The following IP6K1 variants were observed in gnomAD, a reference collection of about 807,000 sequenced individuals.
IP6K1 encodes ATP:1D-myo-inositol-hexakisphosphate phosphotransferase.
IP6K1 carries 13 observed loss-of-function variants against 38.3 expected under a neutral mutation model. The observed-to-expected ratio is 0.34, with a 90% CI of 0.22 to 0.54. The LOEUF (loss-of-function observed/expected upper bound fraction) is 0.54. IP6K1 is among the 20% of genes least tolerant of loss of function. The pLI is 0.92. For missense variants in IP6K1, 397 were observed against 599.8 expected, an observed-to-expected ratio of 0.66 and a Z score of 3.53; for synonymous variants, 212 against 229.9, an observed-to-expected ratio of 0.92 and a Z score of 0.70.
intron 4 of IP6K1, 21 bp from the exon 5 acceptor site, chr3:49,728,299 A>T (rs776441694): frequency 6.2e-7 from 1 of 1,608,168 alleles, no homozygotes; most frequent in Admixed American, 1.7e-5. Context: ...GTCAAGGAGA[A>T]TGACAACCAC....
intron 1 of IP6K1, chr3:49,775,687 G>A: frequency 6.3e-6 from 3 of 475,938 alleles, no homozygotes; most frequent in Non-Finnish European, 1.1e-5. Flanking sequence ...GCTACTCCCG[G>A]CAGAAAGGGA....
chr3:49,739,100 C>T (rs1010666636), intron 2 of IP6K1, among the ~76,000 whole-genome samples: 3 of 152,036 alleles, frequency 2.0e-5, no homozygotes, highest in African/African-American at 4.8e-5. Flanking sequence ...GTTCTTAATA[C>T]AATTTAAAAA....
chr3:49,775,434 G>A (rs914649341), intron 1 of IP6K1: 13 of 462,462 alleles, frequency 2.8e-5, no homozygotes, highest in Non-Finnish European at 8.2e-6. Context: ...GTGTAACTAC[G>A]TATCTTAGCA....
chr3:49,784,072 A>G (rs1283841593), intron 1 of IP6K1, among the ~76,000 whole-genome samples: 1 of 151,894 alleles, frequency 6.6e-6, no homozygotes, highest in African/African-American at 2.4e-5. Flanking sequence ...GCTGGAGTGC[A>G]GTGGCGCGAT....
At chr3:49,743,533 T>C (rs1048817451) in intron 2 of IP6K1, among the ~76,000 whole-genome samples, 1 of 151,254 alleles carries the variant, frequency 6.6e-6, no homozygotes, top group African/African-American at 2.4e-5. Context: ...CTTTAAAAAT[T>C]ACCTAGTTGT....
intron 4 of IP6K1, 141 bp downstream of exon 4, chr3:49,732,650 G>A (rs2080573152): frequency 6.6e-6 from 4 of 608,330 alleles, no homozygotes; most frequent in Non-Finnish European, 1.1e-5. Context: ...GAAAGTAAAC[G>A]AAGGAAGAGG....
At chr3:49,750,868 T>C (rs1389894601) in intron 1 of IP6K1, among the ~76,000 whole-genome samples, 1 of 152,204 alleles carries the variant, frequency 6.6e-6, no homozygotes, top group African/African-American at 2.4e-5. Flanking sequence ...TGTTTTTGTG[T>C]TTGAAATAGT....
chr3:49,771,701 A>G (rs2080961413), intron 1 of IP6K1, among the ~76,000 whole-genome samples: 1 of 152,220 alleles, frequency 6.6e-6, no homozygotes, highest in Non-Finnish European at 1.5e-5. Context: ...TAGTCTCTTC[A>G]AGAGAAATGA....
intron 1 of IP6K1, among the ~76,000 whole-genome samples, chr3:49,772,274 T>C: frequency 6.8e-6 from 1 of 147,166 alleles, no homozygotes; most frequent in African/African-American, 2.5e-5. Flanking sequence ...ATATATGTAA[T>C]ATATATGTTA....
chr3:49,780,542 T>C (rs560825340), intron 1 of IP6K1, among the ~76,000 whole-genome samples: 2 of 152,112 alleles, frequency 1.3e-5, no homozygotes, highest in African/African-American at 4.8e-5. Context: ...CTGTTCCTTA[T>C]AGCGTCAGGG....
intron 1 of IP6K1, among the ~76,000 whole-genome samples, chr3:49,749,791 C>G (rs1157756012): frequency 1.3e-5 from 2 of 152,064 alleles, no homozygotes; most frequent in Non-Finnish European, 2.9e-5. Flanking sequence ...TTCTGTACTC[C>G]CAGTCCCCAG....
In IP6K1 at chr3:49,727,497, G is replaced by A. The variant is rs1006398517; in HGVS notation, c.951C>T (p.Gly317=). The change falls in exon 6 of 6, where the codon GGC becomes GGT. Residue 317 remains glycine (G), a synonymous_variant. Coordinates refer to ENST00000321599, the MANE Select transcript of IP6K1 (RefSeq NM_153273.4). The surrounding 1 kb of genome is among the most constrained non-coding windows in gnomAD (Gnocchi z 5.9). Reference sequence around the variant, plus strand: ...CCTGCCGCTCCAGCACAGCTTTCAGGCCCCGCAGTTTGCTCAGGATAGGCT... The same window carrying A: ...CCTGCCGCTCCAGCACAGCTTTCAGACCCCGCAGTTTGCTCAGGATAGGCT... ...LFEPILSKLR[G]LKAVLERQAS... 6.2e-7 allele frequency: 1 copy of A among 1,614,076 alleles called. No homozygotes were observed. Among genetic ancestry groups the A allele is most frequent in the African/African-American group, 1.3e-5 (1 of 74,948 alleles).
At chr3:49,764,406 T>C (rs2080891749) in intron 1 of IP6K1, among the ~76,000 whole-genome samples, 1 of 152,036 alleles carries the variant, frequency 6.6e-6, no homozygotes, top group African/African-American at 2.4e-5. Context: ...TTTTAAAATA[T>C]ATACAACAAA....
At chr3:49,755,164 C>T (rs528973558) in intron 1 of IP6K1, among the ~76,000 whole-genome samples, 8 of 149,634 alleles carry the variant, frequency 5.3e-5, no homozygotes, top group African/African-American at 1.7e-4. Flanking sequence ...CTCGAACTCC[C>T]GAGCTCAAGA....
At chr3:49,772,214 TA>T (rs34560942) in intron 1 of IP6K1, among the ~76,000 whole-genome samples, 282 of 139,278 alleles carry the variant, frequency 2.0e-3, no homozygotes, top group Middle Eastern at 3.7e-3. Flanking sequence ...CCCTTTCCCT[TA>T]AAAAAAAAAA....
intron 1 of IP6K1, among the ~76,000 whole-genome samples, chr3:49,758,977 GGTTGAATTTCCTATTA>G (rs2080847209): frequency 6.6e-6 from 1 of 151,964 alleles, no homozygotes; most frequent in Non-Finnish European, 1.5e-5. Context: ...AGTTTCTTTG[GGTTGAATTTCCTATTA>G]GTTTTGTCAC....
chr3:49,778,903 G>A (rs534643984), intron 1 of IP6K1, among the ~76,000 whole-genome samples: 1 of 152,136 alleles, frequency 6.6e-6, no homozygotes, highest in South Asian at 2.1e-4. Flanking sequence ...AGGATTACGG[G>A]GATGAGCCAC....
intron 1 of IP6K1, among the ~76,000 whole-genome samples, chr3:49,755,805 C>T (rs1392253621): frequency 3.9e-5 from 6 of 152,174 alleles, no homozygotes; most frequent in East Asian, 1.9e-4. Flanking sequence ...CATGAAAACA[C>T]GTTTGTCCTC....
chr3:49,775,512 TAGG>T (rs1277302346), intron 1 of IP6K1: 4 of 907,296 alleles, frequency 4.4e-6, no homozygotes, highest in Non-Finnish European at 6.7e-6. Context: ...GTGCACCATC[TAGG>T]AGAAGGATAG....
Sources: allele counts gnomAD v4.1 joint callset (sites outside exome capture counted in the v4.1 genomes callset), GRCh38; gene constraint gnomAD v4.1.1; non-coding constraint Gnocchi (gnomAD v3.1); transcripts MANE v1.5; gene names NCBI Gene and HGNC (gene_info 2026-07-23, HGNC 2026-07-21).